Variants in PDLIM5 observed in about 807,000 individuals in gnomAD.
PDLIM5 encodes the protein PDZ and LIM domain protein 5.
PDLIM5 carries 34 observed loss-of-function variants against 64.2 expected under a neutral mutation model. The ratio of observed to expected loss-of-function variants is 0.53; its 90% confidence interval spans 0.40 to 0.71. The LOEUF is 0.71. PDLIM5 is among the 30% of genes least tolerant of loss of function. The pLI is 0.00. For missense variants in PDLIM5, 683 were observed against 733.6 expected (o/e 0.93, Z 0.80); for synonymous variants, 253 against 269.1 (o/e 0.94, Z 0.59).
At chr4:94,533,108 A>T (rs12498904) in intron 3 of PDLIM5, among the ~76,000 whole-genome samples, 35,602 of 152,150 alleles carry the variant, frequency 0.23, 4,477 homozygotes, top group African/African-American at 0.32. Context: ...GAAAATAAGT[A>T]TTTATCTTAT....
chr4:94,585,160 G>A (rs1341634417), intron 5 of PDLIM5, among the ~76,000 whole-genome samples: 2 of 152,020 alleles, frequency 1.3e-5, no homozygotes, highest in East Asian at 3.9e-4. Context: ...GTGCGATCTT[G>A]GCTCACTGCA....
intron 3 of PDLIM5, among the ~76,000 whole-genome samples, chr4:94,560,844 A>G (rs1733774609): frequency 6.6e-6 from 1 of 152,238 alleles, no homozygotes; most frequent in Admixed American, 6.6e-5. Context: ...CTCCTGCCTC[A>G]GCCTCCTGAG....
At chr4:94,603,476 C>T (rs939599478) in intron 7 of PDLIM5, among the ~76,000 whole-genome samples, 3 of 151,900 alleles carry the variant, frequency 2.0e-5, no homozygotes, top group African/African-American at 4.8e-5. Context: ...GACTGTAATG[C>T]CCCCCCAACC....
intron 2 of PDLIM5, among the ~76,000 whole-genome samples, chr4:94,477,452 A>G (rs1217396773): frequency 2.0e-5 from 3 of 152,192 alleles, no homozygotes; most frequent in Non-Finnish European, 4.4e-5. Context: ...TTCTTAAAGT[A>G]TTGAAAGTGA....
chr4:94,619,171 A>G (rs1739020096), intron 8 of PDLIM5, among the ~76,000 whole-genome samples: 1 of 152,090 alleles, frequency 6.6e-6, no homozygotes, highest in South Asian at 2.1e-4. Context: ...TCTCACAGTA[A>G]CTAACATCTA....
intron 7 of PDLIM5, chr4:94,610,437 AT>A: frequency 2.2e-6 from 1 of 446,248 alleles, no homozygotes; most frequent in Non-Finnish European, 3.8e-6. Flanking sequence ...TGTAGTGCAT[AT>A]TTTATCTAGG....
At chr4:94,492,290 C>T (rs1726948720) in intron 2 of PDLIM5, among the ~76,000 whole-genome samples, 1 of 148,198 alleles carries the variant, frequency 6.7e-6, no homozygotes, top group Non-Finnish European at 1.5e-5. Flanking sequence ...TACTTCCTCT[C>T]TTTTTTTTTT....
chr4:94,585,970 G>A (rs1384366897), intron 6 of PDLIM5, among the ~76,000 whole-genome samples: 1 of 152,128 alleles, frequency 6.6e-6, no homozygotes, highest in African/African-American at 2.4e-5. Flanking sequence ...ATGAGTTCGA[G>A]ACCAGACTAG....
chr4:94,488,936 T>G (rs1276369082), intron 2 of PDLIM5: 1 of 152,270 alleles, frequency 6.6e-6, no homozygotes, highest in Admixed American at 6.5e-5. Context: ...GTAGCAGTAC[T>G]ACGGAAGTGA....
chr4:94,550,971 AG>A (rs1188267155), intron 3 of PDLIM5, among the ~76,000 whole-genome samples: 3 of 152,156 alleles, frequency 2.0e-5, no homozygotes, highest in African/African-American at 4.8e-5. Flanking sequence ...CTAAGCAAAA[AG>A]AATAAAAGCT....
chr4:94,623,725 G>C (rs185861177), intron 8 of PDLIM5, among the ~76,000 whole-genome samples: 1 of 151,966 alleles, frequency 6.6e-6, no homozygotes, highest in African/African-American at 2.4e-5. Flanking sequence ...GACATCATAC[G>C]ATCTGAAGGA....
chr4:94,465,257 G>A (rs575206381), intron 2 of PDLIM5, among the ~76,000 whole-genome samples: 36 of 152,032 alleles, frequency 2.4e-4, no homozygotes, highest in African/African-American at 7.2e-4. Context: ...TTTCTTTCCT[G>A]TATTAAATAA....
chr4:94,537,498 A>G (rs1206293428), intron 3 of PDLIM5, among the ~76,000 whole-genome samples: 11 of 152,174 alleles, frequency 7.2e-5, no homozygotes, highest in Non-Finnish European at 1.6e-4. Context: ...AAATTATAAC[A>G]ATATTCTTGA....
chr4:94,655,935 T>A (rs1742176154), intron 10 of PDLIM5, among the ~76,000 whole-genome samples: 1 of 152,220 alleles, frequency 6.6e-6, no homozygotes. Context: ...AATATACATC[T>A]TCTACAAATG....
intron 8 of PDLIM5, among the ~76,000 whole-genome samples, chr4:94,627,587 T>C (rs1267993642): frequency 1.3e-5 from 2 of 152,244 alleles, no homozygotes; most frequent in Non-Finnish European, 1.5e-5. Context: ...TTTTTGTGAA[T>C]GAAGTTTTGT....
chr4:94,498,250 A>G (rs1727582703), intron 2 of PDLIM5, among the ~76,000 whole-genome samples: 1 of 152,228 alleles, frequency 6.6e-6, no homozygotes, highest in Non-Finnish European at 1.5e-5. Flanking sequence ...GAGTAATTGC[A>G]GAAGTCTTTC....
intron 3 of PDLIM5, chr4:94,549,708 TAG>T (rs1316068210): frequency 6.6e-6 from 1 of 152,198 alleles, no homozygotes; most frequent in Non-Finnish European, 1.5e-5. Flanking sequence ...ACACACATGT[TAG>T]AGGGCAATTT....
intron 7 of PDLIM5, among the ~76,000 whole-genome samples, chr4:94,594,766 T>G (rs140760892): frequency 8.0e-4 from 122 of 152,308 alleles, no homozygotes; most frequent in Non-Finnish European, 1.1e-3. Context: ...TAAAGTGGTA[T>G]TTTAGTTTAG....
At position 94,640,502 on chromosome 4, in the gene PDLIM5, T is replaced by G. The variant is rs745790293; in HGVS notation, c.1283+52T>G. 25 of 288,560 alleles carry G rather than the reference T, an allele frequency of 8.7e-5. No individual in the cohort carries two copies. In the African/African-American group the frequency reaches 3.9e-3, roughly 45 times the overall value. The allele number at this position is 288,560 out of a possible 1,614,324, so 17.9% of individuals were successfully genotyped here. A position where few individuals can be genotyped will look rare whatever the true frequency, so the allele number is the denominator to read the frequency against. ...AAAGTACTTAATATCAATGTTGGGT[T>G]TTTTTTTTTTTTTTGCATTTGGAAG... On this transcript the variant is annotated intron_variant, in intron 9 of 12. Transcript: ENST00000317968.
Sources: allele counts gnomAD v4.1 joint callset (sites outside exome capture counted in the v4.1 genomes callset), GRCh38; gene constraint gnomAD v4.1.1; transcripts MANE v1.5; gene names NCBI Gene and HGNC (gene_info 2026-07-23, HGNC 2026-07-21).